Variants in PLEKHG4B observed in about 807,000 individuals in gnomAD.
PLEKHG4B encodes the protein pleckstrin homology and RhoGEF domain containing G4B.
In PLEKHG4B, 111 loss-of-function variants were observed where a neutral mutation model predicts 121.3. That is an observed-to-expected ratio of 0.92 (90% confidence interval 0.78 to 1.07). The LOEUF is 1.07. Among genes scored for constraint, PLEKHG4B ranks in the 50% least tolerant of loss-of-function variants. The pLI is 0.00. For missense variants in PLEKHG4B, 1,831 were observed against 1,757.8 expected (o/e 1.04, Z -0.74); for synonymous variants, 738 against 725.0 (o/e 1.02, Z -0.29).
Position 137,324 on chromosome 5 carries a change from G to C in PLEKHG4B, c.244-2159G>C, listed in dbSNP as rs1053999931. Among the ~76,000 whole-genome samples the C allele has an allele frequency of 3.9e-5, 6 of 152,196 alleles. No homozygotes were observed. Among genetic ancestry groups the C allele is most frequent in the Non-Finnish European group, 7.3e-5 (5 of 68,032 alleles). The stretch of plus-strand genomic sequence containing the variant: ...GTTTGGGAAGATGGAAAGTTCTGGA[G>C]ATGGTGGTGATGGTTACATAACCGT... On this transcript the variant is annotated intron_variant, in intron 2 of 19. Coordinates refer to ENST00000637938, the MANE Select transcript of PLEKHG4B (RefSeq NM_052909.5). The surrounding 1 kb of genome is among the most constrained non-coding windows in gnomAD (Gnocchi z 4.2).
Position 169,367 on chromosome 5 carries a change from G to C in PLEKHG4B, c.3504G>C (p.Glu1168Asp), listed in dbSNP as rs747604483. 6.2e-7 allele frequency: 1 copy of C among 1,614,002 alleles called. No homozygotes were observed. The highest frequency in any genetic ancestry group is 1.3e-5 in the African/African-American group (1 of 74,938). ...GCCGACTGAGGCACATCATGGCCGA[G>C]ATGATCGCCACAGAGAGGGAGTACA... ...GSSRLRHIMA[E>D]MIATEREYIR... The change falls in exon 14 of 20, where the codon GAG (glutamate) becomes GAC (aspartate). Residue 1168 changes from glutamate to aspartate, a missense_variant. Physicochemically the swap from Glu to Asp is conservative, Grantham distance 45. Transcript: ENST00000637938.
At chr5:120,941 A>G (rs1220243879) in intron 2 of PLEKHG4B, among the ~76,000 whole-genome samples, 1 of 152,200 alleles carries the variant, frequency 6.6e-6, no homozygotes, top group Non-Finnish European at 1.5e-5. Flanking sequence ...TCAGATTTCG[A>G]AAGTATTTTA....
rs115532959 is a variant in PLEKHG4B at position 116,044 on chromosome 5, C to T, written c.243+2596C>T. Among the ~76,000 whole-genome samples, 528 of 152,316 alleles carry T rather than the reference C, an allele frequency of 3.5e-3. 4 individuals are homozygous for T. The highest frequency in any genetic ancestry group is 0.012 in the African/African-American group (506 of 41,580). ...CTTTTGGCCTGGCTGGGGCATTCAG[C>T]ATGCCTTTCTCACAAAGCTTAATCA... On this transcript the variant is annotated intron_variant, in intron 2 of 19. Coordinates refer to ENST00000637938, the MANE Select transcript of PLEKHG4B (RefSeq NM_052909.5).
rs1735813752 is a variant in PLEKHG4B at position 157,207 on chromosome 5, T to C, written c.2487+296T>C. 5 of 422,566 alleles carry C rather than the reference T, an allele frequency of 1.2e-5. No homozygotes were observed. The highest frequency in any genetic ancestry group is 1.1e-4 in the South Asian group (5 of 47,412). 26.2% of individuals were successfully genotyped at this position (422,566 alleles called of 1,614,324 possible). A position where few individuals can be genotyped will look rare whatever the true frequency, so the allele number is the denominator to read the frequency against. ...GATGCTACCAGTGTGAATAGCTGGG[T>C]GTATCTTCCGGACGCTTTCTCCATG... On this transcript the variant is annotated intron_variant, in intron 11 of 19. Transcript: ENST00000637938. The surrounding 1 kb of genome is among the most constrained non-coding windows in gnomAD (Gnocchi z 4.6).
chr5:140,752 A>G (rs1457958588), intron 3 of PLEKHG4B, 36 bp downstream of exon 3: 2 of 1,307,634 alleles, frequency 1.5e-6, no homozygotes, highest in East Asian at 5.8e-5. Context: ...GCGCACCCCC[A>G]CAACCTCCCC....
chr5:155,287 T>A, intron 8 of PLEKHG4B, 58 bp from the exon 9 acceptor site: 1 of 1,445,278 alleles, frequency 6.9e-7, no homozygotes, highest in South Asian at 1.1e-5. Context: ...CACAGCTGCT[T>A]ACTTTAGCAT....
At chr5:103,908 A>G (rs1011030941) in intron 1 of PLEKHG4B, among the ~76,000 whole-genome samples, 2 of 151,990 alleles carry the variant, frequency 1.3e-5, no homozygotes, top group African/African-American at 2.4e-5. Context: ...TCTACTCTCT[A>G]CCTTCATGAG....
At chr5:134,721 G>A (rs1294062264) in intron 2 of PLEKHG4B, among the ~76,000 whole-genome samples, 8 of 150,034 alleles carry the variant, frequency 5.3e-5, no homozygotes, top group African/African-American at 1.5e-4. Context: ...AGCTGAGATC[G>A]TGCCACTGCA....
In PLEKHG4B at chr5:163,672, C is replaced by T. The variant is rs1164047308; in HGVS notation, c.3476+124C>T. ...TAAATCCGCAGACATCCCTCTGGGTCCACCTGTCCGGTCTAAGAAGAAACA... is the reference window on the plus strand; with the variant it reads ...TAAATCCGCAGACATCCCTCTGGGTTCACCTGTCCGGTCTAAGAAGAAACA... On this transcript the variant is annotated intron_variant, in intron 13 of 19. Transcript: ENST00000637938. 3.7e-6 allele frequency: 3 copies of T among 821,500 alleles called. No homozygotes were observed. In the African/African-American group the frequency reaches 5.2e-5, roughly 14 times the overall value. The allele number at this position is 821,500 out of a possible 1,614,324, so 50.9% of individuals were successfully genotyped here. A position where few individuals can be genotyped will look rare whatever the true frequency, so the allele number is the denominator to read the frequency against.
intron 18 of PLEKHG4B, among the ~76,000 whole-genome samples, chr5:175,193 G>A (rs1736719486): frequency 2.6e-5 from 4 of 152,040 alleles, no homozygotes; most frequent in Admixed American, 2.6e-4. Context: ...GTGGCCCTGG[G>A]AGGCTGAGCT....
chr5:143,391 C>A lies in PLEKHG4B; in HGVS notation c.1699C>A (p.Arg567Ser), dbSNP rs530280254. ...GVVTLPGTRD[R>S]HGRAVVQVRT... is the part of the protein sequence containing the mutation. Reference sequence around the variant, plus strand: ...CTCTGTCTCCGCAGGGACCCGAGACCGTCATGGCAGAGCAGTGGTGCAGGT... The same window carrying A: ...CTCTGTCTCCGCAGGGACCCGAGACAGTCATGGCAGAGCAGTGGTGCAGGT... Residue 567 changes from arginine (R) to serine (S), a missense_variant, in exon 5 of 20, where the codon CGT becomes AGT. Physicochemically the swap from Arg to Ser is moderately radical, Grantham distance 110. Coordinates refer to ENST00000637938, the MANE Select transcript of PLEKHG4B (RefSeq NM_052909.5). The A allele has an allele frequency of 6.2e-7, 1 of 1,612,570 alleles. No homozygotes were observed. The highest frequency in any genetic ancestry group is 2.2e-5 in the East Asian group (1 of 44,874).
chr5:123,323 A>G (rs1734523954), intron 2 of PLEKHG4B, among the ~76,000 whole-genome samples: 1 of 152,218 alleles, frequency 6.6e-6, no homozygotes, highest in African/African-American at 2.4e-5. Context: ...GGTAGAAAAG[A>G]TTACAATGTC....
Position 183,972 on chromosome 5 carries a change from GAT to G in PLEKHG4B, c.*1651_*1652del, listed in dbSNP as rs1383987487. ...AGATAGCTAGATATATATACAGACAGATAGATAGATAGATAGATCGATAGATA... is the reference window on the plus strand; with the variant it reads ...AGATAGCTAGATATATATACAGACAGAGATAGATAGATAGATCGATAGATA... On this transcript the variant is annotated 3_prime_UTR_variant, in exon 20 of 20. Coordinates refer to ENST00000637938, the MANE Select transcript of PLEKHG4B (RefSeq NM_052909.5). 181 of 63,436 alleles carry G rather than the reference GAT, an allele frequency of 2.9e-3. 1 individual carries two copies. The highest frequency in any genetic ancestry group is 0.011 in the African/African-American group (172 of 16,118). 3.9% of individuals were successfully genotyped at this position (63,436 alleles called of 1,614,324 possible). A position where few individuals can be genotyped will look rare whatever the true frequency, so the allele number is the denominator to read the frequency against.
chr5:163,225 C>T lies in PLEKHG4B; in HGVS notation c.3153C>T (p.Ala1051=), dbSNP rs1736101594. The change falls in exon 13 of 20, where the codon GCC becomes GCT. Residue 1051 remains alanine, a synonymous_variant. Transcript: ENST00000637938. The part of the protein sequence containing the change: ...RGLPGAGATT[A]HLEDSSACSS... ...TTCCAGGGGCAGGGGCCACCACGGC[C>T]CACCTGGAGGACAGCTCTGCCTGTT... The T allele has an allele frequency of 6.2e-7, 1 of 1,603,790 alleles. No individual in the cohort carries two copies. Among genetic ancestry groups the T allele is most frequent in the Non-Finnish European group, 8.5e-7 (1 of 1,175,394 alleles).
Position 159,636 on chromosome 5 carries a change from C to T in PLEKHG4B, c.2488-2147C>T, listed in dbSNP as rs935036001. On this transcript the variant is annotated intron_variant, in intron 11 of 19. Coordinates refer to ENST00000637938, the MANE Select transcript of PLEKHG4B (RefSeq NM_052909.5). This position sits in a 1 kb window ranked among gnomAD's most constrained non-coding sequence, Gnocchi z 5.5. ...TGTGGCTTCTGTGGGTTTGTTCTGG[C>T]GCCAGAGGCTTTCCTGGCGACCCCT... 7.9e-5 allele frequency among the ~76,000 whole-genome samples: 12 copies of T among 152,148 alleles called. No homozygotes were observed. The highest frequency in any genetic ancestry group is 2.9e-4 in the African/African-American group (12 of 41,426).
At chr5:176,373 C>G (rs1409370403) in intron 18 of PLEKHG4B, among the ~76,000 whole-genome samples, 1 of 152,258 alleles carries the variant, frequency 6.6e-6, no homozygotes, top group Non-Finnish European at 1.5e-5. Context: ...TTCCAAGCAC[C>G]TGGAGCCTGC....
chr5:140,068 C>A lies in PLEKHG4B; in HGVS notation c.829C>A (p.Pro277Thr). 1 of 466,012 alleles carries A rather than the reference C, an allele frequency of 2.1e-6. No homozygotes were observed. The highest frequency in any genetic ancestry group is 3.8e-5 in the Admixed American group (1 of 26,244). 28.9% of individuals were successfully genotyped at this position (466,012 alleles called of 1,614,324 possible). A position where few individuals can be genotyped will look rare whatever the true frequency, so the allele number is the denominator to read the frequency against. The change falls in exon 3 of 20, where the codon CCC becomes ACC. Residue 277 changes from proline (P) to threonine (T), a missense_variant. By Grantham distance (38) the Pro-to-Thr change is conservative. Coordinates refer to ENST00000637938, the MANE Select transcript of PLEKHG4B (RefSeq NM_052909.5). ...TCCAGAAAGAGCCGAGCTGGGAAGCCCCAGGACCCTGTCTGGAAGCTCAGA... is the reference window on the plus strand; with the variant it reads ...TCCAGAAAGAGCCGAGCTGGGAAGCACCAGGACCCTGTCTGGAAGCTCAGA... ...PYPERAELGS[P>T]RTLSGSSDRD...
intron 13 of PLEKHG4B, among the ~76,000 whole-genome samples, chr5:167,764 G>T (rs1386413127): frequency 2.0e-5 from 3 of 152,246 alleles, no homozygotes; most frequent in Non-Finnish European, 4.4e-5. Flanking sequence ...CTCACATGCT[G>T]GCCACTGCTC....
chr5:146,087 T>C (rs10214193), intron 6 of PLEKHG4B, among the ~76,000 whole-genome samples: 27,891 of 141,372 alleles, frequency 0.2, 3,574 homozygotes, highest in African/African-American at 0.38. Context: ...TCTCCCCACT[T>C]GGAGTCCTCC....
Sources: gnomAD v4.1 joint callset for allele counts (sites outside exome capture counted in the v4.1 genomes callset) on GRCh38, gnomAD v4.1.1 for gene constraint, Gnocchi (gnomAD v3.1) non-coding constraint, MANE v1.5 for transcripts, NCBI Gene and HGNC (gene_info 2026-07-23, HGNC 2026-07-21) for gene names.